The following NBEA variants were observed in gnomAD, a reference collection of about 807,000 sequenced individuals.
NBEA encodes the protein neurobeachin.
Under a neutral mutation model 343.4 loss-of-function variants are expected in NBEA, and 44 were observed. The observed-to-expected ratio is 0.13, with a 90% CI of 0.10 to 0.16. The LOEUF is 0.16. Among genes scored for constraint, NBEA ranks in the 10% least tolerant of loss-of-function variants. The probability of loss-of-function intolerance (pLI) is 1.00; values close to 1 mark genes in which losing one functional copy is unlikely to be tolerated. For missense variants in NBEA, 2,555 were observed against 3,631.3 expected, an observed-to-expected ratio of 0.70 and a Z score of 7.62; for synonymous variants, 1,175 against 1,238.7, an observed-to-expected ratio of 0.95 and a Z score of 1.08.
intron 10 of NBEA, among the ~76,000 whole-genome samples, chr13:35,074,977 C>T (rs1439860350): frequency 6.6e-6 from 1 of 152,118 alleles, no homozygotes; most frequent in African/African-American, 2.4e-5. Flanking sequence ...GCCCTGTGTC[C>T]CTTTTCCCTG....
At chr13:35,573,265 A>G (rs2080534228) in intron 45 of NBEA, among the ~76,000 whole-genome samples, 1 of 152,206 alleles carries the variant, frequency 6.6e-6, no homozygotes, top group Admixed American at 6.5e-5. Flanking sequence ...TCATTCTTTC[A>G]TTACACAAGC....
At chr13:35,510,574 C>T (rs150578651) in intron 41 of NBEA, among the ~76,000 whole-genome samples, 308 of 152,130 alleles carry the variant, frequency 2.0e-3, no homozygotes, top group East Asian at 0.013. Flanking sequence ...TACCGTATTA[C>T]ACGTTACTGT....
chr13:35,056,452 A>C (rs1164620765), intron 7 of NBEA, among the ~76,000 whole-genome samples: 1 of 152,146 alleles, frequency 6.6e-6, no homozygotes, highest in East Asian at 1.9e-4. Context: ...AGAAGACCCT[A>C]AACAGAAGTA....
Position 35,040,994 on chromosome 13 carries a change from C to T in NBEA, c.356C>T (p.Thr119Ile). Residue 119 changes from threonine (T) to isoleucine (I), a missense_variant, in exon 2 of 59, where the codon ACA becomes ATA. By Grantham distance (89) the Thr-to-Ile change is moderately conservative. Around this residue, in one of 21 missense-constraint regions of NBEA, gnomAD observed 185 missense variants for 290.6 expected, o/e 0.64. Coordinates refer to ENST00000379939, the MANE Select transcript of NBEA (RefSeq NM_001385012.1). ...ATTATCCAGGATGCTGAGAGTATAACATGTATGACAGAGCTTTTGGAGCAC... is the reference window on the plus strand; with the variant it reads ...ATTATCCAGGATGCTGAGAGTATAATATGTATGACAGAGCTTTTGGAGCAC... ...NFIIQDAESI[T>I]CMTELLEHCD... 1.2e-6 allele frequency: 2 copies of T among 1,613,122 alleles called. No individual in the cohort carries two copies. Among genetic ancestry groups the T allele is most frequent in the Non-Finnish European group, 1.7e-6 (2 of 1,179,390 alleles).
chr13:35,387,102 A>G (rs887660785), intron 38 of NBEA, among the ~76,000 whole-genome samples: 1 of 152,156 alleles, frequency 6.6e-6, no homozygotes, highest in Admixed American at 6.5e-5. Context: ...TCAAATTGAC[A>G]TTTGGATAGA....
chr13:35,469,393 G>C (rs2075543772), intron 40 of NBEA, among the ~76,000 whole-genome samples: 1 of 151,998 alleles, frequency 6.6e-6, no homozygotes, highest in South Asian at 2.1e-4. Flanking sequence ...TTTTGTTCTA[G>C]TTCAGATTTT....
intron 55 of NBEA, among the ~76,000 whole-genome samples, chr13:35,656,479 A>G (rs1246856397): frequency 6.6e-6 from 1 of 152,218 alleles, no homozygotes; most frequent in East Asian, 1.9e-4. Context: ...TCTTTTTCCA[A>G]TGAAACTTTT....
chr13:35,116,987 T>C (rs1483335178), intron 13 of NBEA, among the ~76,000 whole-genome samples: 1 of 151,990 alleles, frequency 6.6e-6, no homozygotes, highest in Non-Finnish European at 1.5e-5. Context: ...CAGAGTGTCA[T>C]TTTTTCTGTG....
rs545945939 is a variant in NBEA at position 35,591,974 on chromosome 13, A to G, written c.7177-1354A>G. ...AGCAGGGAAAGGGAAATATGTATCT[A>G]TCTTTGCTATAATTGTAGTTAAGAA... On this transcript the variant is annotated intron_variant, in intron 46 of 58. Coordinates refer to ENST00000379939, the MANE Select transcript of NBEA (RefSeq NM_001385012.1). 5.9e-5 allele frequency among the ~76,000 whole-genome samples: 9 copies of G among 152,236 alleles called. No individual in the cohort carries two copies. In the South Asian group the frequency reaches 1.2e-3, roughly 21 times the overall value.
At chr13:35,045,458 T>C (rs1593570444) in intron 4 of NBEA, 57 bp downstream of exon 4, 2 of 1,358,040 alleles carry the variant, frequency 1.5e-6, no homozygotes, top group East Asian at 2.5e-5. Flanking sequence ...TCACCTTTAG[T>C]AAGGTTTAAC....
At chr13:35,428,288 C>T (rs2152928544) in intron 38 of NBEA, among the ~76,000 whole-genome samples, 1 of 152,238 alleles carries the variant, frequency 6.6e-6, no homozygotes, top group Non-Finnish European at 1.5e-5. Context: ...CCCCCACCCG[C>T]CATTATTTTT....
chr13:35,463,852 G>T (rs2047031783), intron 40 of NBEA, among the ~76,000 whole-genome samples: 1 of 151,912 alleles, frequency 6.6e-6, no homozygotes, highest in Non-Finnish European at 1.5e-5. Flanking sequence ...GGCAGGGGAG[G>T]GTAGGACTAG....
At chr13:35,637,386 A>G (rs1164696102) in intron 49 of NBEA, among the ~76,000 whole-genome samples, 5 of 152,206 alleles carry the variant, frequency 3.3e-5, no homozygotes, top group African/African-American at 1.2e-4. Context: ...AGGAAAAACA[A>G]TATGGCAATC....
intron 32 of NBEA, among the ~76,000 whole-genome samples, chr13:35,210,828 T>A (rs1044439553): frequency 6.6e-6 from 1 of 152,184 alleles, no homozygotes. Flanking sequence ...TTGTAGTATG[T>A]AGTTTTGTTA....
At chr13:35,547,483 G>A (rs1048977915) in intron 41 of NBEA, among the ~76,000 whole-genome samples, 1 of 152,146 alleles carries the variant, frequency 6.6e-6, no homozygotes, top group Non-Finnish European at 1.5e-5. Context: ...TCCAGTCAGG[G>A]GAGAGGAATC....
rs112391970 is a variant in NBEA, at chr13:35,086,573, G to A, written c.1572-11724G>A. ...CCATTTGCCTGTTGATGGAAACTTA[G>A]GTTGATTTCATAGCTTTGCTTTTGT... On this transcript the variant is annotated intron_variant, in intron 10 of 58. Transcript: ENST00000379939. 4.0e-4 allele frequency among the ~76,000 whole-genome samples: 61 copies of A among 152,034 alleles called. 1 individual carries two copies. Among genetic ancestry groups the A allele is most frequent in the African/African-American group, 1.3e-3 (56 of 41,508 alleles).
At chr13:35,534,119 C>T (rs574756263) in intron 41 of NBEA, among the ~76,000 whole-genome samples, 2 of 152,152 alleles carry the variant, frequency 1.3e-5, no homozygotes, top group Admixed American at 6.6e-5. Context: ...GAGTGATTGC[C>T]GTATCTAAAG....
At chr13:35,000,649 C>G (rs777824899) in intron 1 of NBEA, among the ~76,000 whole-genome samples, 2 of 151,160 alleles carry the variant, frequency 1.3e-5, no homozygotes, top group East Asian at 1.9e-4. Flanking sequence ...GGATACTGAT[C>G]GAGCAAGCAT....
intron 38 of NBEA, among the ~76,000 whole-genome samples, chr13:35,372,935 G>A (rs1382312358): frequency 6.6e-6 from 1 of 152,160 alleles, no homozygotes; most frequent in African/African-American, 2.4e-5. Context: ...TTAGGCCTCA[G>A]GGGTATGTGG....
Sources: allele counts gnomAD v4.1 joint callset (sites outside exome capture counted in the v4.1 genomes callset), GRCh38; gene constraint gnomAD v4.1.1; regional missense constraint gnomAD v4.1.1; transcripts MANE v1.5; gene names NCBI Gene and HGNC (gene_info 2026-07-23, HGNC 2026-07-21).